Variants in APBB1IP observed in about 807,000 individuals in gnomAD.
APBB1IP encodes the protein amyloid beta precursor protein binding family B member 1 interacting protein, also known as amyloid beta A4 precursor protein-binding family B member 1-interacting protein.
A neutral mutation model predicts 64.9 loss-of-function variants in APBB1IP; 27 were observed. The observed-to-expected ratio is 0.42, with a 90% confidence interval of 0.31 to 0.57. The LOEUF (loss-of-function observed/expected upper bound fraction) is 0.57. Among genes scored for constraint, APBB1IP ranks in the 20% least tolerant of loss-of-function variants. APBB1IP has a pLI of 0.20. For missense variants in APBB1IP, 812 were observed against 845.5 expected (o/e 0.96, Z 0.49); for synonymous variants, 392 against 331.0 (o/e 1.18, Z -2.00).
At chr10:26,489,732 T>A (rs575120010) in intron 2 of APBB1IP, among the ~76,000 whole-genome samples, 6 of 152,338 alleles carry the variant, frequency 3.9e-5, no homozygotes, top group African/African-American at 1.4e-4. Context: ...GTGATATTTT[T>A]AAAATCATTT....
intron 13 of APBB1IP, among the ~76,000 whole-genome samples, chr10:26,561,743 T>C (rs1482755286): frequency 6.6e-6 from 1 of 152,130 alleles, no homozygotes; most frequent in African/African-American, 2.4e-5. Context: ...TAAAATAGCA[T>C]ACCAGGACTT....
In APBB1IP at chr10:26,567,172, C is replaced by G; in HGVS notation, c.1685C>G (p.Pro562Arg). The G allele has an allele frequency of 7.0e-7, 1 of 1,419,370 alleles. No homozygotes were observed. Among genetic ancestry groups the G allele is most frequent in the East Asian group, 3.2e-5 (1 of 30,870 alleles). 87.9% of individuals were successfully genotyped at this position (1,419,370 alleles called of 1,614,324 possible). A position where few individuals can be genotyped will look rare whatever the true frequency, so the allele number is the denominator to read the frequency against. ...CTGCCGCCGCCGCCACCGCCGCCGC[C>G]CCTCGATGACCCTGAGCTCCCGCCG... ...DFLPPPPPPPPLDDPELPPPP... is the reference protein window; with the variant it reads ...DFLPPPPPPPRLDDPELPPPP... The change falls in exon 15 of 15, where the codon CCC becomes CGC. Residue 562 changes from proline to arginine, a missense_variant. Physicochemically the swap from Pro to Arg is moderately radical, Grantham distance 103. Coordinates refer to ENST00000376236, the MANE Select transcript of APBB1IP (RefSeq NM_019043.4).
chr10:26,559,217 G>T (rs1588619925), intron 11 of APBB1IP, among the ~76,000 whole-genome samples: 1 of 152,140 alleles, frequency 6.6e-6, no homozygotes, highest in Non-Finnish European at 1.5e-5. Context: ...GAGGTGAAAA[G>T]CTTCCAAAAG....
intron 6 of APBB1IP, among the ~76,000 whole-genome samples, chr10:26,505,973 A>T (rs1836170739): frequency 6.6e-6 from 1 of 151,928 alleles, no homozygotes; most frequent in Admixed American, 6.6e-5. Context: ...CTCATCTCCC[A>T]GTGTTCACTC....
At chr10:26,440,316 A>G (rs1006379311) in intron 2 of APBB1IP, among the ~76,000 whole-genome samples, 2 of 152,196 alleles carry the variant, frequency 1.3e-5, no homozygotes, top group African/African-American at 2.4e-5. Flanking sequence ...AGGAGTTGCT[A>G]TAATTCTTTG....
At chr10:26,519,426 G>A (rs1022257247) in intron 8 of APBB1IP, among the ~76,000 whole-genome samples, 6 of 152,190 alleles carry the variant, frequency 3.9e-5, no homozygotes, top group Non-Finnish European at 7.3e-5. Flanking sequence ...AGGAGAGTGA[G>A]CACCTTACAT....
intron 6 of APBB1IP, among the ~76,000 whole-genome samples, chr10:26,506,088 T>G (rs1469217489): frequency 6.6e-6 from 1 of 152,160 alleles, no homozygotes; most frequent in Non-Finnish European, 1.5e-5. Flanking sequence ...CTCTGCCTCT[T>G]CCCTGGATTC....
intron 2 of APBB1IP, among the ~76,000 whole-genome samples, chr10:26,490,627 A>G (rs113133918): frequency 3.0e-4 from 46 of 152,332 alleles, no homozygotes; most frequent in African/African-American, 1.1e-3. Flanking sequence ...CTCCATCTCA[A>G]AAAAGAAAAA....
chr10:26,485,817 T>C (rs980925420), intron 2 of APBB1IP, among the ~76,000 whole-genome samples: 1 of 152,198 alleles, frequency 6.6e-6, no homozygotes, highest in Non-Finnish European at 1.5e-5. Context: ...GCATGACAGC[T>C]GGATTTTGAA....
Position 26,502,096 on chromosome 10 carries a change from T to C in APBB1IP, c.453+985T>C, listed in dbSNP as rs78155969. Among the ~76,000 whole-genome samples the C allele has an allele frequency of 3.7e-3, 571 of 152,286 alleles. 3 individuals carry two copies. Among genetic ancestry groups the C allele is most frequent in the African/African-American group, 0.012 (514 of 41,564 alleles). On this transcript the variant is annotated intron_variant, in intron 5 of 14. Transcript: ENST00000376236. ...CAAAGTTGAATGGACTTGTGAAGCTTTATGGGCTTTCTTAAAGGGGCTTGT... is the reference window on the plus strand; with the variant it reads ...CAAAGTTGAATGGACTTGTGAAGCTCTATGGGCTTTCTTAAAGGGGCTTGT...
intron 11 of APBB1IP, among the ~76,000 whole-genome samples, chr10:26,548,593 T>C (rs981432654): frequency 8.5e-5 from 13 of 152,164 alleles, no homozygotes; most frequent in African/African-American, 2.9e-4. Context: ...CTAGGTATTT[T>C]ATTTTTGTGT....
At chr10:26,562,593 T>C (rs1053673390) in intron 14 of APBB1IP, among the ~76,000 whole-genome samples, 164 bp downstream of exon 14, 5 of 151,864 alleles carry the variant, frequency 3.3e-5, no homozygotes, top group African/African-American at 1.2e-4. Context: ...TGAGCTTCAG[T>C]TTGAGACCAG....
intron 2 of APBB1IP, among the ~76,000 whole-genome samples, chr10:26,454,297 C>T (rs886817560): frequency 5.3e-5 from 8 of 151,888 alleles, no homozygotes; most frequent in Non-Finnish European, 7.4e-5. Flanking sequence ...GAAAATTAGC[C>T]GGGCGTGGTG....
intron 11 of APBB1IP, among the ~76,000 whole-genome samples, chr10:26,548,966 T>C (rs538843000): frequency 1.3e-5 from 2 of 152,370 alleles, no homozygotes; most frequent in South Asian, 4.1e-4. Flanking sequence ...CAGGGTGATG[T>C]TGGCTGTGGG....
intron 11 of APBB1IP, among the ~76,000 whole-genome samples, chr10:26,543,045 T>C (rs1036890532): frequency 7.3e-5 from 11 of 150,198 alleles, no homozygotes; most frequent in East Asian, 5.8e-4. Flanking sequence ...TGGCCCCCAA[T>C]GTCAACAGTG....
At position 26,560,956 on chromosome 10, in the gene APBB1IP, T is replaced by C. The variant is rs536910759; in HGVS notation, c.1369+112T>C. ...CTTTGTACACAGCATTCAGAATATG[T>C]TTCTCACCTGATGATCAGGCTCAAA... On this transcript the variant is annotated intron_variant, in intron 13 of 14. Transcript: ENST00000376236. 4.1e-5 allele frequency: 28 copies of C among 682,590 alleles called. No homozygotes were observed. The South Asian group carries it at 8.2e-4, about 20-fold the overall frequency. 42.3% of individuals were successfully genotyped at this position (682,590 alleles called of 1,614,324 possible).
intron 2 of APBB1IP, among the ~76,000 whole-genome samples, chr10:26,468,296 A>C (rs1589195110): frequency 1.3e-5 from 2 of 152,348 alleles, no homozygotes; most frequent in Non-Finnish European, 1.5e-5. Flanking sequence ...GTTACATAGT[A>C]TAGTGCTAAG....
intron 2 of APBB1IP, among the ~76,000 whole-genome samples, chr10:26,455,242 A>G (rs1564349395): frequency 6.6e-6 from 1 of 152,176 alleles, no homozygotes; most frequent in South Asian, 2.1e-4. Context: ...AGAAGGAAAA[A>G]GTCAGGCCTG....
chr10:26,438,596 C>A (rs1424441689), intron 1 of APBB1IP, 56 bp from the exon 2 acceptor site: 1 of 152,252 alleles, frequency 6.6e-6, no homozygotes, highest in Non-Finnish European at 1.5e-5. Context: ...GAGAAAGCAG[C>A]CCCTAACTCG....
Sources: gnomAD v4.1 joint callset for allele counts (sites outside exome capture counted in the v4.1 genomes callset) on GRCh38, gnomAD v4.1.1 for gene constraint, MANE v1.5 for transcripts, NCBI Gene and HGNC (gene_info 2026-07-23, HGNC 2026-07-21) for gene names.